Variants in LRP1B observed in about 807,000 individuals in gnomAD.
LRP1B encodes low-density lipoprotein receptor-related protein 1B.
LRP1B carries 217 observed loss-of-function variants against 556.6 expected under a neutral mutation model. That is an observed-to-expected ratio of 0.39 (90% CI 0.35 to 0.44). The LOEUF (loss-of-function observed/expected upper bound fraction) is 0.44. LRP1B is among the 20% of genes least tolerant of loss of function. The pLI is 1.00. For missense variants in LRP1B, 5,053 were observed against 5,620.8 expected, an observed-to-expected ratio of 0.90 and a Z score of 3.23; for synonymous variants, 2,047 against 1,865.8, an observed-to-expected ratio of 1.10 and a Z score of -2.50.
chr2:140,314,715 T>C (rs545028647), intron 83 of LRP1B, among the ~76,000 whole-genome samples: 1 of 152,188 alleles, frequency 6.6e-6, no homozygotes, highest in Admixed American at 6.6e-5. Flanking sequence ...GCCTGTCACA[T>C]GGTACATACT....
intron 6 of LRP1B, among the ~76,000 whole-genome samples, chr2:141,211,572 C>T (rs530842624): frequency 9.9e-5 from 15 of 152,030 alleles, no homozygotes; most frequent in South Asian, 2.1e-4. Flanking sequence ...AGCCGAGATC[C>T]GGCCATTGCA....
intron 60 of LRP1B, among the ~76,000 whole-genome samples, chr2:140,468,448 G>A (rs1687636127): frequency 6.6e-6 from 1 of 151,762 alleles, no homozygotes; most frequent in Admixed American, 6.6e-5. Flanking sequence ...GGAGCCATGG[G>A]GTTGGGCCAC....
intron 6 of LRP1B, among the ~76,000 whole-genome samples, chr2:141,198,169 T>G (rs1476823070): frequency 6.6e-6 from 1 of 152,130 alleles, no homozygotes; most frequent in Non-Finnish European, 1.5e-5. Context: ...ATTGCATTTA[T>G]TTTTACTTTT....
intron 35 of LRP1B, among the ~76,000 whole-genome samples, chr2:140,740,788 C>T (rs2104866304): frequency 6.6e-6 from 1 of 152,220 alleles, no homozygotes; most frequent in East Asian, 1.9e-4. Context: ...CCTATATCTT[C>T]ATATGGTCTT....
intron 1 of LRP1B, among the ~76,000 whole-genome samples, chr2:142,115,314 G>T (rs1343323200): frequency 2.0e-5 from 3 of 149,664 alleles, no homozygotes; most frequent in Non-Finnish European, 3.0e-5. Flanking sequence ...CTCAAAAAAG[G>T]TTGAAGATAT....
At chr2:140,967,111 T>A (rs1696251163) in intron 18 of LRP1B, among the ~76,000 whole-genome samples, 1 of 152,194 alleles carries the variant, frequency 6.6e-6, no homozygotes, top group Non-Finnish European at 1.5e-5. Flanking sequence ...GGGATGGCAT[T>A]AAATCTATAA....
intron 2 of LRP1B, among the ~76,000 whole-genome samples, chr2:141,778,221 T>A (rs1388955553): frequency 6.6e-6 from 1 of 152,216 alleles, no homozygotes; most frequent in Non-Finnish European, 1.5e-5. Context: ...GAATAGGTGA[T>A]TAGACTGCAT....
At chr2:141,462,839 T>C (rs13415966) in intron 3 of LRP1B, among the ~76,000 whole-genome samples, 12,535 of 152,166 alleles carry the variant, frequency 0.082, 708 homozygotes, top group South Asian at 0.26. Flanking sequence ...GAAAAATAAG[T>C]AAATAAGTAA....
intron 68 of LRP1B, among the ~76,000 whole-genome samples, chr2:140,373,847 G>C (rs1683102899): frequency 6.6e-6 from 1 of 152,110 alleles, no homozygotes; most frequent in African/African-American, 2.4e-5. Flanking sequence ...ATAGGGAGAA[G>C]AAGGCTAAGG....
At position 142,116,910 on chromosome 2, in the gene LRP1B, G is replaced by A. The variant is rs144281263; in HGVS notation, c.82+13738C>T. 1.1e-4 allele frequency among the ~76,000 whole-genome samples: 17 copies of A among 152,188 alleles called. No homozygotes were observed. The East Asian group carries it at 3.3e-3, about 29-fold the overall frequency. Reference sequence around the variant, plus strand: ...AAAGATAAAATACAAACCTAAATGTGATCTCATTTGTATCTCAGTATGAGA... The same window carrying A: ...AAAGATAAAATACAAACCTAAATGTAATCTCATTTGTATCTCAGTATGAGA... On this transcript the variant is annotated intron_variant, in intron 1 of 90. Coordinates refer to ENST00000389484, the MANE Select transcript of LRP1B (RefSeq NM_018557.3).
At chr2:140,699,564 T>C (rs1002668758) in intron 41 of LRP1B, among the ~76,000 whole-genome samples, 2 of 151,492 alleles carry the variant, frequency 1.3e-5, no homozygotes, top group East Asian at 3.9e-4. Flanking sequence ...GAATGGGAAA[T>C]ATATGGAAAT....
intron 2 of LRP1B, among the ~76,000 whole-genome samples, chr2:141,631,054 T>G (rs1177744973): frequency 6.6e-6 from 1 of 152,146 alleles, no homozygotes; most frequent in East Asian, 1.9e-4. Flanking sequence ...GGAAAGAGGT[T>G]TAATTGACTC....
chr2:140,314,876 G>A (rs967346158), intron 83 of LRP1B, 59 bp downstream of exon 83: 31 of 1,276,708 alleles, frequency 2.4e-5, no homozygotes, highest in East Asian at 1.2e-4. Context: ...AAGCATTTTC[G>A]ATTCATATAT....
chr2:141,038,508 G>T (rs1398787858), intron 11 of LRP1B, among the ~76,000 whole-genome samples: 1 of 152,066 alleles, frequency 6.6e-6, no homozygotes, highest in East Asian at 1.9e-4. Context: ...CCTTAGATAT[G>T]TCAGAGTCAC....
chr2:141,546,243 C>A, intron 2 of LRP1B, among the ~76,000 whole-genome samples: 1 of 152,228 alleles, frequency 6.6e-6, no homozygotes, highest in East Asian at 1.9e-4. Flanking sequence ...GTTAACCTCA[C>A]CTTGGCAACC....
At chr2:140,735,910 T>C (rs1687930568) in intron 35 of LRP1B, among the ~76,000 whole-genome samples, 1 of 152,006 alleles carries the variant, frequency 6.6e-6, no homozygotes. Context: ...AACCCTGCAA[T>C]TGAATTTTAA....
chr2:141,627,567 C>T (rs1485905884), intron 2 of LRP1B, among the ~76,000 whole-genome samples: 2 of 152,118 alleles, frequency 1.3e-5, no homozygotes, highest in Non-Finnish European at 2.9e-5. Flanking sequence ...GAGTGCAAAC[C>T]GTACTGTGAA....
At chr2:140,589,569 A>G (rs1682132050) in intron 43 of LRP1B, among the ~76,000 whole-genome samples, 1 of 152,220 alleles carries the variant, frequency 6.6e-6, no homozygotes. Context: ...AAGTGAATAA[A>G]GATACTGTGG....
intron 2 of LRP1B, among the ~76,000 whole-genome samples, chr2:141,798,809 A>G (rs893450362): frequency 2.0e-5 from 3 of 152,002 alleles, no homozygotes; most frequent in Non-Finnish European, 2.9e-5. Flanking sequence ...TGGAAGTCCT[A>G]AACTTCAGTA....
Sources: gnomAD v4.1 joint callset for allele counts (sites outside exome capture counted in the v4.1 genomes callset) on GRCh38, gnomAD v4.1.1 for gene constraint, MANE v1.5 for transcripts, NCBI Gene and HGNC (gene_info 2026-07-23, HGNC 2026-07-21) for gene names.